Variants in SNX31 observed in about 807,000 individuals in gnomAD.
SNX31 encodes the protein sorting nexin-31.
SNX31 carries 58 observed loss-of-function variants against 65.4 expected under a neutral mutation model. The observed-to-expected ratio is 0.89, with a 90% CI of 0.72 to 1.10. The LOEUF is 1.10. SNX31 is among the 50% of genes least tolerant of loss of function. The pLI is 0.00. For missense variants in SNX31, 523 were observed against 529.7 expected, an observed-to-expected ratio of 0.99 and a Z score of 0.12; for synonymous variants, 181 against 190.1, an observed-to-expected ratio of 0.95 and a Z score of 0.39.
intron 12 of SNX31, among the ~76,000 whole-genome samples, chr8:100,577,409 C>A (rs911033395): frequency 6.6e-6 from 1 of 152,206 alleles, no homozygotes; most frequent in African/African-American, 2.4e-5. Flanking sequence ...GGGTTGCAAT[C>A]CATATGCTGA....
rs549962412 is a variant in SNX31 at position 100,632,838 on chromosome 8, C to A, written c.257-2447G>T. On this transcript the variant is annotated intron_variant, in intron 3 of 13. Transcript: ENST00000311812. ...TCTCAAATTCCTGGGCTCAAGTGAT[C>A]CTCTTGCCTCAGCTTCCCAAAGTGT... 2.0e-5 allele frequency among the ~76,000 whole-genome samples: 3 copies of A among 152,228 alleles called. No homozygotes were observed. The East Asian group carries it at 5.8e-4, about 29-fold the overall frequency.
chr8:100,600,584 TTTAAA>T, intron 8 of SNX31, 143 bp from the exon 9 acceptor site: 1 of 592,390 alleles, frequency 1.7e-6, no homozygotes, highest in Non-Finnish European at 2.8e-6. Context: ...AGTCTTATTT[TTTAAA>T]TTAGTAAGAA....
chr8:100,641,589 T>TAC (rs1554587408), intron 2 of SNX31, among the ~76,000 whole-genome samples: 17 of 22,260 alleles, frequency 7.6e-4, no homozygotes, highest in Non-Finnish European at 7.9e-4. Context: ...TATATATATA[T>TAC]ATATATACAC....
At position 100,608,612 on chromosome 8, in the gene SNX31, G is replaced by T. The variant is rs1321892795; in HGVS notation, c.612-49C>A. On this transcript the variant is annotated intron_variant, in intron 7 of 13. Transcript: ENST00000311812. ...TTCATTCCTGTGACATGGCCCATGG[G>T]CACACCTGGCAAGTGCTTTGGAAAG... is the stretch of plus-strand genomic sequence containing the variant. The T allele has an allele frequency of 3.2e-6, 5 of 1,579,358 alleles. No individual in the cohort carries two copies. In the African/African-American group the frequency reaches 5.4e-5, roughly 17 times the overall value.
chr8:100,648,523 A>T lies in SNX31; in HGVS notation c.141+751T>A, dbSNP rs79852858. Among the ~76,000 whole-genome samples, 4,020 of 152,224 alleles carry T rather than the reference A, an allele frequency of 0.026. 163 individuals carry two copies. Among genetic ancestry groups the T allele is most frequent in the African/African-American group, 0.086 (3,574 of 41,504 alleles). On this transcript the variant is annotated intron_variant, in intron 2 of 13. Transcript: ENST00000311812. The surrounding 1 kb of genome is among the most constrained non-coding windows in gnomAD (Gnocchi z 4.3). Reference sequence around the variant, plus strand: ...TATAACCTAAAATCTAAAACAAAAAAACAAAAATCACTATTCATGGGGGAG... The same window carrying T: ...TATAACCTAAAATCTAAAACAAAAATACAAAAATCACTATTCATGGGGGAG...
At chr8:100,644,687 CAG>C (rs1350393973) in intron 2 of SNX31, among the ~76,000 whole-genome samples, 2 of 152,212 alleles carry the variant, frequency 1.3e-5, no homozygotes, top group Non-Finnish European at 2.9e-5. Context: ...TGTTTTGAGA[CAG>C]AGTCTCCCTC....
At chr8:100,661,664 GA>G (rs1242866022) in intron 1 of SNX31, among the ~76,000 whole-genome samples, 3 of 151,650 alleles carry the variant, frequency 2.0e-5, no homozygotes, top group African/African-American at 4.9e-5. Context: ...AAGGAGCTGG[GA>G]CTATAACATG....
intron 1 of SNX31, chr8:100,658,003 G>A (rs894954083): frequency 1.7e-5 from 6 of 355,142 alleles, no homozygotes; most frequent in Admixed American, 7.7e-5. Context: ...TTTAGACCTC[G>A]GCAGGTCAGT....
chr8:100,659,353 CAAAA>C (rs148671568), intron 1 of SNX31, among the ~76,000 whole-genome samples: 7,835 of 71,166 alleles, frequency 0.11, 200 homozygotes, highest in East Asian at 0.25. Context: ...AACTCCATCA[CAAAA>C]AAAAAAAAAA....
chr8:100,608,418 A>G (rs914192618), intron 8 of SNX31, 76 bp downstream of exon 8: 3 of 1,370,064 alleles, frequency 2.2e-6, no homozygotes, highest in African/African-American at 2.9e-5. Flanking sequence ...ACTAACTGCC[A>G]CATAATTTGT....
intron 1 of SNX31, among the ~76,000 whole-genome samples, chr8:100,654,971 C>T (rs1322285094): frequency 6.6e-6 from 1 of 152,194 alleles, no homozygotes; most frequent in African/African-American, 2.4e-5. Context: ...TGAGATTGTG[C>T]CATTGCACTT....
At chr8:100,586,123 G>A (rs919641809) in intron 11 of SNX31, among the ~76,000 whole-genome samples, 38 of 152,326 alleles carry the variant, frequency 2.5e-4, no homozygotes, top group African/African-American at 8.7e-4. Flanking sequence ...GTTTCACCAT[G>A]TTGGCCAGGC....
At position 100,608,556 on chromosome 8, in the gene SNX31, C is replaced by T. The variant is rs1200246591; in HGVS notation, c.619G>A (p.Ala207Thr). 2 of 1,613,740 alleles carry T rather than the reference C, an allele frequency of 1.2e-6. No individual in the cohort carries two copies. Among genetic ancestry groups the T allele is most frequent in the Admixed American group, 1.7e-5 (1 of 59,982 alleles). ...CKVGLRKWYMAPSLDSVLMDC... is the reference protein window; with the variant it reads ...CKVGLRKWYMTPSLDSVLMDC... Reference sequence around the variant, plus strand: ...ATCAGCACGGAGTCGAGGGATGGAGCCATATACCTGCAAAATTCAGGAGTG... The same window carrying T: ...ATCAGCACGGAGTCGAGGGATGGAGTCATATACCTGCAAAATTCAGGAGTG... Residue 207 changes from alanine (A) to threonine (T), a missense_variant, in exon 8 of 14, where the codon GCT becomes ACT. Transcript: ENST00000311812.
chr8:100,611,973 CCT>C, intron 7 of SNX31, 25 bp downstream of exon 7: 2 of 1,582,092 alleles, frequency 1.3e-6, no homozygotes, highest in Non-Finnish European at 1.7e-6. Flanking sequence ...TCGTCAAACG[CCT>C]CTGTCACTTT....
chr8:100,596,524 A>G, intron 10 of SNX31, 115 bp downstream of exon 10: 2 of 809,428 alleles, frequency 2.5e-6, no homozygotes, highest in Non-Finnish European at 4.1e-6. Context: ...CTTAGATGTC[A>G]CTCCACTCAA....
At chr8:100,628,787 T>A (rs1439498090) in intron 4 of SNX31, among the ~76,000 whole-genome samples, 5 of 151,498 alleles carry the variant, frequency 3.3e-5, no homozygotes. Context: ...ATGTGTTGAG[T>A]GTGCGCTTGT....
chr8:100,650,034 T>A (rs1445235714), upstream of SNX31, among the ~76,000 whole-genome samples: 1 of 148,528 alleles, frequency 6.7e-6, no homozygotes, highest in Admixed American at 6.8e-5. Flanking sequence ...ATTCTTTCAA[T>A]CTTGTTTTTT....
chr8:100,616,607 A>G (rs1817225329), intron 5 of SNX31, among the ~76,000 whole-genome samples: 1 of 152,240 alleles, frequency 6.6e-6, no homozygotes, highest in Admixed American at 6.5e-5. Flanking sequence ...CAAGACTGGA[A>G]GCAGGGAGAC....
At chr8:100,619,373 T>C (rs997610738) in intron 4 of SNX31, among the ~76,000 whole-genome samples, 1 of 152,232 alleles carries the variant, frequency 6.6e-6, no homozygotes, top group Admixed American at 6.5e-5. Flanking sequence ...AGTTTCCAGC[T>C]GAAGGAGCAG....
Sources: gnomAD v4.1 joint callset for allele counts (sites outside exome capture counted in the v4.1 genomes callset) on GRCh38, gnomAD v4.1.1 for gene constraint, Gnocchi (gnomAD v3.1) non-coding constraint, MANE v1.5 for transcripts, NCBI Gene and HGNC (gene_info 2026-07-23, HGNC 2026-07-21) for gene names.